Variants in FAM135B observed in about 807,000 individuals in gnomAD.
FAM135B encodes the protein protein FAM135B.
Under a neutral mutation model 127.7 loss-of-function variants are expected in FAM135B, and 43 were observed. That is an observed-to-expected ratio of 0.34 (90% CI 0.26 to 0.43). The LOEUF is 0.43. FAM135B is among the 20% of genes least tolerant of loss of function. The pLI is 1.00. For synonymous variants in FAM135B, 670 were observed against 665.1 expected (o/e 1.01, Z -0.11); for missense variants, 1,558 against 1,725.6 (o/e 0.90, Z 1.72).
chr8:138,441,726 T>G (rs1182311819), intron 1 of FAM135B: 1 of 144,668 alleles, frequency 6.9e-6, no homozygotes, highest in Non-Finnish European at 1.5e-5. Context: ...CTTCTCTGCT[T>G]TTTTTTTTTC....
At chr8:138,415,563 G>A (rs1189010742) in intron 1 of FAM135B, among the ~76,000 whole-genome samples, 4 of 152,318 alleles carry the variant, frequency 2.6e-5, no homozygotes, top group Non-Finnish European at 5.9e-5. Context: ...TAGCATCAGA[G>A]ATAGGAGGGA....
In FAM135B at chr8:138,151,929, T is replaced by C. The variant is rs754871594; in HGVS notation, c.2546A>G (p.Lys849Arg). 39 of 1,614,066 alleles carry C rather than the reference T, an allele frequency of 2.4e-5. No homozygotes were observed. Among genetic ancestry groups the C allele is most frequent in the Middle Eastern group, 1.6e-4 (1 of 6,084 alleles). The change falls in exon 13 of 20, where the codon AAA becomes AGA. Residue 849 changes from lysine (K) to arginine (R), a missense_variant. Coordinates refer to ENST00000395297, the MANE Select transcript of FAM135B (RefSeq NM_015912.4). ...AGCATCAAACTGCTTCCCTTTCCCT[T>C]TGGGGATGTCTATGTATCCGGGGCC... ...QQGPGYIDIP[K>R]GKGKQFDAQG...
At chr8:138,281,477 A>AAT (rs1824259557) in intron 3 of FAM135B, among the ~76,000 whole-genome samples, 1 of 121,762 alleles carries the variant, frequency 8.2e-6, no homozygotes, top group African/African-American at 2.8e-5. Context: ...AAAAAAAAAA[A>AAT]ATCCTATTGA....
At chr8:138,261,648 C>G (rs1350097403) in intron 4 of FAM135B, among the ~76,000 whole-genome samples, 1 of 152,232 alleles carries the variant, frequency 6.6e-6, no homozygotes, top group Non-Finnish European at 1.5e-5. Context: ...AATACACACA[C>G]TACCTCCAGA....
At chr8:138,432,265 C>T (rs1398015992) in intron 1 of FAM135B, among the ~76,000 whole-genome samples, 1 of 152,112 alleles carries the variant, frequency 6.6e-6, no homozygotes, top group Non-Finnish European at 1.5e-5. Flanking sequence ...GGATATGATG[C>T]CTGAATGTAG....
intron 1 of FAM135B, among the ~76,000 whole-genome samples, chr8:138,426,819 A>C (rs967479160): frequency 3.9e-5 from 6 of 151,962 alleles, no homozygotes; most frequent in Non-Finnish European, 7.4e-5. Context: ...AATATTTAAA[A>C]ATTTTTTACA....
At chr8:138,468,864 GTGAAACC>G (rs1406544055) in intron 1 of FAM135B, among the ~76,000 whole-genome samples, 56 of 152,248 alleles carry the variant, frequency 3.7e-4, no homozygotes, top group Admixed American at 3.0e-3. Flanking sequence ...GGCCAACAAA[GTGAAACC>G]CCGCCTCTAC....
At chr8:138,307,732 TAAA>T (rs60272179) in intron 3 of FAM135B, among the ~76,000 whole-genome samples, 71,148 of 131,754 alleles carry the variant, frequency 0.54, 19,039 homozygotes, top group Non-Finnish European at 0.6. Context: ...CCCATTGTGG[TAAA>T]AAAAAAAAAA....
rs1178974951 is a variant in FAM135B, at chr8:138,183,012, T to C, written c.874-4322A>G. Among the ~76,000 whole-genome samples the C allele has an allele frequency of 2.6e-5, 4 of 151,742 alleles. No individual in the cohort carries two copies. In the East Asian group the frequency reaches 7.8e-4, roughly 29 times the overall value. Reference sequence around the variant, plus strand: ...CATCCAGAATCCCTCCCCAACACCTTGTGTGCATACACACTCAGGCACACA... The same window carrying C: ...CATCCAGAATCCCTCCCCAACACCTCGTGTGCATACACACTCAGGCACACA... On this transcript the variant is annotated intron_variant, in intron 9 of 19. Transcript: ENST00000395297.
intron 12 of FAM135B, among the ~76,000 whole-genome samples, chr8:138,161,996 A>G (rs1200561124): frequency 1.3e-5 from 2 of 152,226 alleles, no homozygotes; most frequent in African/African-American, 4.8e-5. Flanking sequence ...AACAAAACAA[A>G]TAATAATAAG....
intron 2 of FAM135B, among the ~76,000 whole-genome samples, chr8:138,322,827 C>T (rs899383579): frequency 7.9e-5 from 12 of 152,154 alleles, no homozygotes; most frequent in Non-Finnish European, 1.3e-4. Flanking sequence ...ATAGCTAGCC[C>T]CCACCTGACA....
intron 7 of FAM135B, among the ~76,000 whole-genome samples, chr8:138,237,013 C>A (rs900828590): frequency 1.3e-5 from 2 of 152,160 alleles, no homozygotes; most frequent in Non-Finnish European, 2.9e-5. Flanking sequence ...TCCCTAAAGT[C>A]CGTGTCTTCC....
intron 2 of FAM135B, chr8:138,367,372 A>C (rs1357685350): frequency 2.2e-6 from 1 of 456,258 alleles, no homozygotes; most frequent in South Asian, 1.5e-5. Flanking sequence ...GGATTTACTG[A>C]TATCACCTGC....
At chr8:138,368,416 G>A (rs142484388) in intron 1 of FAM135B, among the ~76,000 whole-genome samples, 74 of 152,304 alleles carry the variant, frequency 4.9e-4, no homozygotes, top group African/African-American at 1.6e-3. Context: ...GTTCTCATCT[G>A]TAACGTGAGG....
intron 7 of FAM135B, among the ~76,000 whole-genome samples, chr8:138,203,004 T>C (rs13265099): frequency 0.74 from 112,475 of 152,094 alleles, 41,928 homozygotes; most frequent in East Asian, 0.82. Context: ...AGTTTCCTAA[T>C]GAGGAAAGTC....
chr8:138,290,776 T>C (rs1057197819), intron 3 of FAM135B, among the ~76,000 whole-genome samples: 1 of 152,042 alleles, frequency 6.6e-6, no homozygotes, highest in Non-Finnish European at 1.5e-5. Context: ...GAGGAAGATG[T>C]TGGTGCTAAC....
chr8:138,456,850 G>A (rs925295060), intron 1 of FAM135B, among the ~76,000 whole-genome samples: 1 of 152,058 alleles, frequency 6.6e-6, no homozygotes, highest in African/African-American at 2.4e-5. Context: ...AAAATGAAGG[G>A]AAAGCTGGAT....
intron 2 of FAM135B, among the ~76,000 whole-genome samples, chr8:138,315,976 G>T (rs1489376794): frequency 6.6e-6 from 1 of 151,984 alleles, no homozygotes; most frequent in East Asian, 1.9e-4. Context: ...TAATAATATT[G>T]TATTATATAC....
rs150072305 is a variant in FAM135B, at chr8:138,279,173, G to T, written c.158-13331C>A. Among the ~76,000 whole-genome samples, 153 of 152,136 alleles carry T rather than the reference G, an allele frequency of 1.0e-3. 7 individuals are homozygous for T. Among genetic ancestry groups the T allele is most frequent in the Admixed American group, 1.4e-3 (21 of 15,278 alleles). The stretch of plus-strand genomic sequence containing the variant: ...CTGTGTATTTTTCCTTTCCTCAGAA[G>T]TTCTTCCCTCAGTGCCACAGGCAGA... On this transcript the variant is annotated intron_variant, in intron 3 of 19. Coordinates refer to ENST00000395297, the MANE Select transcript of FAM135B (RefSeq NM_015912.4).
Sources: gnomAD v4.1 joint callset for allele counts (sites outside exome capture counted in the v4.1 genomes callset) on GRCh38, gnomAD v4.1.1 for gene constraint, MANE v1.5 for transcripts, NCBI Gene and HGNC (gene_info 2026-07-23, HGNC 2026-07-21) for gene names.